THSD7A: variants seen among roughly 807,000 people sequenced by gnomAD.
THSD7A encodes the protein thrombospondin type-1 domain-containing protein 7A.
THSD7A carries 96 observed loss-of-function variants against 231.3 expected under a neutral mutation model. That is an observed-to-expected ratio of 0.41 (90% CI 0.35 to 0.49). The LOEUF (loss-of-function observed/expected upper bound fraction) is 0.49, where lower values mean the gene tolerates loss of function less well. Ranked by LOEUF, THSD7A falls within the 20% of genes least tolerant of loss-of-function variation. The probability of loss-of-function intolerance (pLI) is 0.05; values close to 1 mark genes in which losing one functional copy is unlikely to be tolerated. For missense variants in THSD7A, 2,290 were observed against 2,070.2 expected, an observed-to-expected ratio of 1.11 and a Z score of -2.06; for synonymous variants, 940 against 743.3, an observed-to-expected ratio of 1.26 and a Z score of -4.30.
At chr7:11,759,700 T>C (rs1324006776) in intron 1 of THSD7A, among the ~76,000 whole-genome samples, 2 of 152,020 alleles carry the variant, frequency 1.3e-5, no homozygotes, top group African/African-American at 4.8e-5. Flanking sequence ...GAATGCCAGA[T>C]ACAAGAAATT....
At chr7:11,582,251 G>C (rs1048706718) in intron 4 of THSD7A, among the ~76,000 whole-genome samples, 1 of 151,374 alleles carries the variant, frequency 6.6e-6, no homozygotes, top group African/African-American at 2.4e-5. Context: ...GATTATATTA[G>C]TGTATAATAA....
intron 1 of THSD7A, among the ~76,000 whole-genome samples, chr7:11,678,803 A>G (rs1018374737): frequency 6.6e-6 from 1 of 152,204 alleles, no homozygotes; most frequent in Non-Finnish European, 1.5e-5. Flanking sequence ...TCCTGAAACT[A>G]TTCCAAACAA....
At chr7:11,591,281 A>G (rs565979516) in intron 3 of THSD7A, among the ~76,000 whole-genome samples, 4 of 152,228 alleles carry the variant, frequency 2.6e-5, no homozygotes, top group Admixed American at 2.0e-4. Flanking sequence ...TAAAGCTCCA[A>G]TCAAGATTAT....
intron 4 of THSD7A, among the ~76,000 whole-genome samples, chr7:11,555,650 A>G (rs965447621): frequency 1.3e-5 from 2 of 151,832 alleles, no homozygotes; most frequent in Non-Finnish European, 2.9e-5. Flanking sequence ...TGTTGGGAGT[A>G]AGGTATTGTC....
chr7:11,816,600 A>G (rs1784711258), intron 1 of THSD7A, among the ~76,000 whole-genome samples: 1 of 71,028 alleles, frequency 1.4e-5, no homozygotes, highest in South Asian at 3.6e-4. Flanking sequence ...TCTTAAAATA[A>G]AAAGCGATAA....
intron 1 of THSD7A, among the ~76,000 whole-genome samples, chr7:11,696,358 A>T (rs751599730): frequency 6.6e-6 from 1 of 151,564 alleles, no homozygotes; most frequent in African/African-American, 2.4e-5. Flanking sequence ...TAGGACAAAA[A>T]TATAGCTGGA....
chr7:11,626,912 CAT>C (rs1308162078), intron 2 of THSD7A, among the ~76,000 whole-genome samples: 1 of 152,028 alleles, frequency 6.6e-6, no homozygotes, highest in Non-Finnish European at 1.5e-5. Flanking sequence ...TTGAATAAAA[CAT>C]ATCTTTTGAG....
chr7:11,813,926 C>T (rs774491987), intron 1 of THSD7A, among the ~76,000 whole-genome samples: 10 of 152,014 alleles, frequency 6.6e-5, no homozygotes, highest in South Asian at 6.2e-4. Context: ...TAGGAACAAC[C>T]CAAATGTCTA....
At chr7:11,420,200 A>G (rs1001165563) in intron 16 of THSD7A, among the ~76,000 whole-genome samples, 4 of 152,210 alleles carry the variant, frequency 2.6e-5, no homozygotes, top group African/African-American at 9.6e-5. Context: ...TAGCCAAGAC[A>G]TGGGGAAAAT....
chr7:11,506,617 C>T (rs1023993566), intron 6 of THSD7A, among the ~76,000 whole-genome samples: 1 of 152,204 alleles, frequency 6.6e-6, no homozygotes, highest in Non-Finnish European at 1.5e-5. Context: ...CCTGTATGAT[C>T]TGCTTCTTGG....
At chr7:11,704,008 T>C (rs1167503836) in intron 1 of THSD7A, among the ~76,000 whole-genome samples, 1 of 151,326 alleles carries the variant, frequency 6.6e-6, no homozygotes, top group East Asian at 2.0e-4. Flanking sequence ...CATTAGATTA[T>C]CACTTAATTA....
At chr7:11,469,363 C>G (rs1270566946) in intron 9 of THSD7A, among the ~76,000 whole-genome samples, 1 of 152,082 alleles carries the variant, frequency 6.6e-6, no homozygotes, top group African/African-American at 2.4e-5. Flanking sequence ...CAAAACTAAG[C>G]CAAACTGGGA....
chr7:11,628,963 A>G (rs911038434), intron 2 of THSD7A, among the ~76,000 whole-genome samples: 5 of 152,182 alleles, frequency 3.3e-5, no homozygotes, highest in Non-Finnish European at 7.3e-5. Flanking sequence ...GCTATTAACT[A>G]TAGGAAGATT....
At position 11,547,986 on chromosome 7, in the gene THSD7A, C is replaced by T. The variant is rs562325553; in HGVS notation, c.1454-4869G>A. Among the ~76,000 whole-genome samples the T allele has an allele frequency of 3.3e-5, 5 of 152,166 alleles. No individual in the cohort carries two copies. The South Asian group carries it at 1.0e-3, about 32-fold the overall frequency. On this transcript the variant is annotated intron_variant, in intron 4 of 27. Coordinates refer to ENST00000423059, the MANE Select transcript of THSD7A (RefSeq NM_015204.3). The stretch of plus-strand genomic sequence containing the variant: ...AAGAGGAAAGTGACACCAAAGCCAG[C>T]AGTAGACAAGAAATAACCAAAAACA...
intron 2 of THSD7A, among the ~76,000 whole-genome samples, chr7:11,609,888 C>A (rs1311069463): frequency 6.6e-6 from 1 of 152,040 alleles, no homozygotes; most frequent in African/African-American, 2.4e-5. Context: ...AGTAAAAAGA[C>A]CTGCATATCT....
rs66964252 is a variant in THSD7A at position 11,706,630 on chromosome 7, CTTTTTTTTT to C, written c.191-69678_191-69670del. ...ATTGACTAAAAATTTTAACAAGGTG[CTTTTTTTTT>C]TTTTTTTTTTTTTTTTAGAAATTAT... On this transcript the variant is annotated intron_variant, in intron 1 of 27. Coordinates refer to ENST00000423059, the MANE Select transcript of THSD7A (RefSeq NM_015204.3). 7.6e-3 allele frequency among the ~76,000 whole-genome samples: 503 copies of C among 66,414 alleles called. 8 individuals are homozygous for C. The highest frequency in any genetic ancestry group is 0.03 in the African/African-American group (479 of 16,124). 43.6% of individuals were successfully genotyped at this position (66,414 alleles called of 152,430 possible). A position where few individuals can be genotyped will look rare whatever the true frequency, so the allele number is the denominator to read the frequency against.
At chr7:11,801,772 T>A (rs930720996) in intron 1 of THSD7A, among the ~76,000 whole-genome samples, 6 of 152,182 alleles carry the variant, frequency 3.9e-5, no homozygotes, top group African/African-American at 1.4e-4. Flanking sequence ...AATCATGTTT[T>A]TCTAATTTGT....
At chr7:11,468,472 A>T (rs1000037616) in intron 9 of THSD7A, among the ~76,000 whole-genome samples, 6 of 152,128 alleles carry the variant, frequency 3.9e-5, no homozygotes, top group African/African-American at 1.4e-4. Context: ...TGCCATTAAC[A>T]TGTTTATAAA....
At chr7:11,492,189 A>AC (rs1786922277) in intron 6 of THSD7A, among the ~76,000 whole-genome samples, 1 of 151,864 alleles carries the variant, frequency 6.6e-6, no homozygotes, top group African/African-American at 2.4e-5. Context: ...GGTGCAAAAG[A>AC]CCCCATGGAC....
Sources: allele counts gnomAD v4.1 joint callset (sites outside exome capture counted in the v4.1 genomes callset), GRCh38; gene constraint gnomAD v4.1.1; transcripts MANE v1.5; gene names NCBI Gene and HGNC (gene_info 2026-07-23, HGNC 2026-07-21).